The following LEO1 variants were observed in gnomAD, a reference collection of about 807,000 sequenced individuals.
LEO1 encodes the protein LEO1 component of Paf1/RNA polymerase II complex.
Under a neutral mutation model 80.4 loss-of-function variants are expected in LEO1, and 34 were observed. The ratio of observed to expected loss-of-function variants is 0.42; its 90% CI spans 0.32 to 0.56. The LOEUF (loss-of-function observed/expected upper bound fraction) is 0.56. Among genes scored for constraint, LEO1 ranks in the 20% least tolerant of loss-of-function variants. The probability of loss-of-function intolerance (pLI) is 0.10; values close to 1 mark genes in which losing one functional copy is unlikely to be tolerated. For synonymous variants in LEO1, 262 were observed against 274.9 expected, an observed-to-expected ratio of 0.95 and a Z score of 0.46; for missense variants, 631 against 814.2, an observed-to-expected ratio of 0.77 and a Z score of 2.74.
At chr15:51,942,019 C>T (rs2056857100) in intron 11 of LEO1, among the ~76,000 whole-genome samples, 1 of 152,194 alleles carries the variant, frequency 6.6e-6, no homozygotes, top group African/African-American at 2.4e-5. Context: ...TAATGGTGTT[C>T]TCTGGACTGG....
chr15:51,955,575 A>G (rs1041198443), intron 6 of LEO1, among the ~76,000 whole-genome samples: 2 of 152,218 alleles, frequency 1.3e-5, no homozygotes, highest in Non-Finnish European at 2.9e-5. Flanking sequence ...CTAAAATGAC[A>G]ATGAAGAGTA....
chr15:51,938,233 C>T lies in LEO1; in HGVS notation c.1924G>A (p.Ala642Thr), dbSNP rs779465194. The change falls in exon 12 of 12, where the codon GCA (alanine) becomes ACA (threonine). Residue 642 changes from alanine to threonine, a missense_variant. This residue lies in a region of LEO1 where 117 missense variants were observed against 163.5 expected (regional missense o/e 0.72). Transcript: ENST00000299601. ...EEGEPSGKRK[A>T]EDDDKANKKH... The stretch of plus-strand genomic sequence containing the variant: ...TTATTTGCTTTATCATCATCTTCTG[C>T]TTTTCTCTTTCCGGAAGGTTCACCT... 2.2e-5 allele frequency: 36 copies of T among 1,606,988 alleles called. No individual in the cohort carries two copies. The South Asian group carries it at 2.9e-4, about 13-fold the overall frequency.
rs376299422 is a variant in LEO1, at chr15:51,971,679, C to T, written c.58+9G>A. 2 of 1,613,858 alleles carry T rather than the reference C, an allele frequency of 1.2e-6. No homozygotes were observed. The highest frequency in any genetic ancestry group is 1.3e-5 in the African/African-American group (1 of 74,950). ...CACGCACCCATCCTCCGAAGACCAGCGAACCCACCTTTACGCTCAGCTTCG... is the reference window on the plus strand; with the variant it reads ...CACGCACCCATCCTCCGAAGACCAGTGAACCCACCTTTACGCTCAGCTTCG... On this transcript the variant is annotated intron_variant, in intron 1 of 11. Transcript: ENST00000299601.
chr15:51,967,342 G>A (rs745513268), intron 1 of LEO1, among the ~76,000 whole-genome samples: 21 of 151,912 alleles, frequency 1.4e-4, no homozygotes, highest in East Asian at 3.9e-4. Flanking sequence ...GTATGGTGGC[G>A]CAAGCCTGTA....
chr15:51,950,127 C>T, intron 9 of LEO1, 133 bp from the exon 10 acceptor site: 1 of 793,206 alleles, frequency 1.3e-6, no homozygotes, highest in Non-Finnish European at 1.9e-6. Flanking sequence ...CCCCATCCCA[C>T]CTCTGTGGCT....
intron 5 of LEO1, 118 bp downstream of exon 5, chr15:51,959,781 G>T: frequency 1.1e-6 from 1 of 919,494 alleles, no homozygotes; most frequent in South Asian, 2.0e-5. Context: ...AATTTTTTCA[G>T]AGATACACGA....
intron 2 of LEO1, among the ~76,000 whole-genome samples, chr15:51,965,297 G>C (rs975287623): frequency 1.3e-5 from 2 of 152,070 alleles, no homozygotes; most frequent in African/African-American, 4.8e-5. Context: ...TCAAATTTTG[G>C]ATCTCAAAAA....
In LEO1 at chr15:51,962,463, T is replaced by A. The variant is rs760369330; in HGVS notation, c.845A>T (p.Glu282Val). ...ATTCTTGCGTTTCATTCGTAAAACT[T>A]CATCTTCACTATCACTGCCTCTTGC... ...ESARGSDSED[E>V]VLRMKRKNAI... Residue 282 changes from glutamate (E) to valine (V), a missense_variant, in exon 3 of 12, where the codon GAA becomes GTA. Physicochemically the swap from Glu to Val is moderately radical, Grantham distance 121 (BLOSUM62 -2). Around this residue, in one of 4 missense-constraint regions of LEO1, gnomAD observed 394 missense variants for 395.6 expected, o/e 1.00. Coordinates refer to ENST00000299601, the MANE Select transcript of LEO1 (RefSeq NM_138792.4). 4 of 1,613,530 alleles carry A rather than the reference T, an allele frequency of 2.5e-6. No individual in the cohort carries two copies. In the Admixed American group the frequency reaches 6.7e-5, roughly 27 times the overall value.
intron 11 of LEO1, among the ~76,000 whole-genome samples, chr15:51,940,828 T>G (rs2056845242): frequency 6.6e-6 from 1 of 152,040 alleles, no homozygotes; most frequent in Non-Finnish European, 1.5e-5. Flanking sequence ...CCGTATGTGG[T>G]GGCTCGTGCC....
chr15:51,941,479 A>C (rs1748277154), intron 11 of LEO1, among the ~76,000 whole-genome samples: 1 of 152,194 alleles, frequency 6.6e-6, no homozygotes, highest in African/African-American at 2.4e-5. Flanking sequence ...TCACATTCTG[A>C]GTAATCCTTC....
At position 51,944,593 on chromosome 15, in the gene LEO1, C is replaced by T. The variant is rs187534055; in HGVS notation, c.1896+2699G>A. Among the ~76,000 whole-genome samples the T allele has an allele frequency of 3.8e-3, 579 of 152,184 alleles. 1 individual carries two copies. Among genetic ancestry groups the T allele is most frequent in the Non-Finnish European group, 4.2e-3 (285 of 68,010 alleles). On this transcript the variant is annotated intron_variant, in intron 11 of 11. Coordinates refer to ENST00000299601, the MANE Select transcript of LEO1 (RefSeq NM_138792.4). ...CTGTCTGGTACATTACTGATTTACT[C>T]CTGAATGAAACTTAAGGGAAGTCCT...
At chr15:51,956,439 A>AC (rs2056990290) in intron 6 of LEO1, among the ~76,000 whole-genome samples, 1 of 151,836 alleles carries the variant, frequency 6.6e-6, no homozygotes, top group Non-Finnish European at 1.5e-5. Flanking sequence ...AAAAAAAAAA[A>AC]AACCACAAAT....
At chr15:51,942,407 G>A (rs1315058308) in intron 11 of LEO1, among the ~76,000 whole-genome samples, 3 of 150,106 alleles carry the variant, frequency 2.0e-5, no homozygotes, top group African/African-American at 7.5e-5. Context: ...AAGGCTATCT[G>A]ATGGATCACT....
intron 5 of LEO1, 136 bp downstream of exon 5, chr15:51,959,763 G>A: frequency 1.4e-6 from 1 of 732,208 alleles, no homozygotes; most frequent in South Asian, 2.1e-5. Context: ...CTCAGGATGT[G>A]CTTGACTAAT....
intron 6 of LEO1, among the ~76,000 whole-genome samples, chr15:51,956,597 A>T (rs2056991548): frequency 6.6e-6 from 1 of 152,072 alleles, no homozygotes. Flanking sequence ...AAGACAGGGG[A>T]CCTCAGAGAG....
At chr15:51,960,295 T>G (rs1041681482) in intron 4 of LEO1, among the ~76,000 whole-genome samples, 4 of 152,172 alleles carry the variant, frequency 2.6e-5, no homozygotes, top group African/African-American at 9.7e-5. Context: ...AGTGTGAAAT[T>G]AACACTTCAA....
At chr15:51,963,728 T>C (rs2057050516) in intron 2 of LEO1, among the ~76,000 whole-genome samples, 1 of 151,318 alleles carries the variant, frequency 6.6e-6, no homozygotes, top group Non-Finnish European at 1.5e-5. Context: ...ATGGGGAAAC[T>C]TCCTCTCTAC....
intron 11 of LEO1, among the ~76,000 whole-genome samples, chr15:51,939,166 C>T (rs2056826498): frequency 6.6e-6 from 1 of 152,128 alleles, no homozygotes; most frequent in Admixed American, 6.5e-5. Context: ...GCCTGGGCAA[C>T]AGAGCAAGCA....
intron 6 of LEO1, among the ~76,000 whole-genome samples, chr15:51,957,393 C>T (rs1359558429): frequency 6.6e-6 from 1 of 151,946 alleles, no homozygotes; most frequent in East Asian, 1.9e-4. Context: ...ATCCATGTGT[C>T]CCAAAGAAAT....
Sources: gnomAD v4.1 joint callset for allele counts (sites outside exome capture counted in the v4.1 genomes callset) on GRCh38, gnomAD v4.1.1 for gene constraint, gnomAD v4.1.1 regional missense constraint, MANE v1.5 for transcripts, NCBI Gene and HGNC (gene_info 2026-07-23, HGNC 2026-07-21) for gene names.